The following NRXN3 variants were observed in gnomAD, a reference collection of about 807,000 sequenced individuals.
NRXN3 encodes neurexin III.
Under a neutral mutation model 137.6 loss-of-function variants are expected in NRXN3, and 32 were observed. That is an observed-to-expected ratio of 0.23 (90% confidence interval 0.18 to 0.31). The LOEUF is 0.31. Ranked by LOEUF, NRXN3 falls within the 10% of genes least tolerant of loss-of-function variation. The pLI, the probability that NRXN3 is intolerant of heterozygous loss-of-function variation, is 1.00. For missense variants in NRXN3, 1,574 were observed against 2,062.5 expected, an observed-to-expected ratio of 0.76 and a Z score of 4.59; for synonymous variants, 798 against 784.5, an observed-to-expected ratio of 1.02 and a Z score of -0.29.
intron 2 of NRXN3, among the ~76,000 whole-genome samples, chr14:78,264,130 C>T (rs8023153): frequency 0.077 from 11,777 of 152,108 alleles, 903 homozygotes; most frequent in East Asian, 0.27. Context: ...GAAACTTACC[C>T]GAGGTCATAC....
At chr14:79,718,252 G>A (rs1017236867) in intron 19 of NRXN3, among the ~76,000 whole-genome samples, 2 of 152,076 alleles carry the variant, frequency 1.3e-5, no homozygotes, top group East Asian at 3.9e-4. Flanking sequence ...CAGAGGGAAC[G>A]GTTAGTGTAA....
intron 15 of NRXN3, among the ~76,000 whole-genome samples, chr14:79,245,160 G>T (rs2074967499): frequency 6.6e-6 from 1 of 151,980 alleles, no homozygotes. Context: ...TAAATGAAAT[G>T]AAAAATGTCA....
chr14:78,739,668 C>T (rs1238520709), intron 8 of NRXN3, among the ~76,000 whole-genome samples: 5 of 152,058 alleles, frequency 3.3e-5, no homozygotes, highest in South Asian at 2.1e-4. Context: ...GATGGGGTTT[C>T]GCTATGTTGG....
chr14:79,457,633 G>A (rs1160694593), intron 15 of NRXN3, among the ~76,000 whole-genome samples: 1 of 152,058 alleles, frequency 6.6e-6, no homozygotes, highest in African/African-American at 2.4e-5. Context: ...CAGAAAAATC[G>A]TGTTGTATGA....
chr14:79,389,459 C>T (rs1005814952), intron 15 of NRXN3, among the ~76,000 whole-genome samples: 1 of 152,196 alleles, frequency 6.6e-6, no homozygotes, highest in Non-Finnish European at 1.5e-5. Flanking sequence ...TTAATGCTCC[C>T]ACCTCTCACC....
At chr14:79,034,613 G>A (rs1313342221) in intron 15 of NRXN3, among the ~76,000 whole-genome samples, 2 of 152,016 alleles carry the variant, frequency 1.3e-5, no homozygotes, top group East Asian at 3.9e-4. Context: ...GAAAAACAAG[G>A]TGTTATGATG....
At chr14:78,324,228 T>A (rs2079760532) in intron 4 of NRXN3, among the ~76,000 whole-genome samples, 2 of 152,010 alleles carry the variant, frequency 1.3e-5, no homozygotes, top group African/African-American at 4.8e-5. Flanking sequence ...GGTATGAGGA[T>A]CTGATGAGAG....
intron 8 of NRXN3, among the ~76,000 whole-genome samples, chr14:78,776,290 G>A (rs1235796260): frequency 1.3e-5 from 2 of 152,156 alleles, no homozygotes; most frequent in Non-Finnish European, 2.9e-5. Flanking sequence ...TCTGAGTAGT[G>A]TTGTGCAATT....
chr14:78,719,374 A>T (rs1434519227), intron 8 of NRXN3, among the ~76,000 whole-genome samples: 1 of 152,016 alleles, frequency 6.6e-6, no homozygotes, highest in Admixed American at 6.6e-5. Flanking sequence ...GCTCCTCTCC[A>T]TTCGGGGCCT....
At chr14:78,533,743 G>A (rs189663111) in intron 4 of NRXN3, among the ~76,000 whole-genome samples, 4 of 152,252 alleles carry the variant, frequency 2.6e-5, no homozygotes, top group Admixed American at 2.0e-4. Context: ...AGCCCTCCCC[G>A]CATTTCTGCA....
chr14:78,961,865 C>T (rs2099408787), intron 11 of NRXN3, among the ~76,000 whole-genome samples: 1 of 152,164 alleles, frequency 6.6e-6, no homozygotes, highest in Non-Finnish European at 1.5e-5. Context: ...ACTCTAAGAG[C>T]TGGTTTGTAG....
chr14:78,649,257 T>A (rs1353947348), intron 5 of NRXN3: 3 of 1,343,144 alleles, frequency 2.2e-6, no homozygotes, highest in Non-Finnish European at 3.0e-6. Flanking sequence ...TCTTCCCCCT[T>A]CTCCGCAAAG....
At chr14:78,450,128 T>C (rs914964195) in intron 4 of NRXN3, among the ~76,000 whole-genome samples, 1 of 152,186 alleles carries the variant, frequency 6.6e-6, no homozygotes, top group African/African-American at 2.4e-5. Flanking sequence ...ATCAATCTGC[T>C]AGCAATGACT....
intron 10 of NRXN3, among the ~76,000 whole-genome samples, chr14:78,933,344 A>T (rs1255524444): frequency 6.6e-6 from 1 of 152,240 alleles, no homozygotes; most frequent in Non-Finnish European, 1.5e-5. Context: ...CCAAGATAAC[A>T]TAGCAATTTG....
chr14:79,257,725 A>T (rs1428037106), intron 15 of NRXN3, among the ~76,000 whole-genome samples: 2 of 151,442 alleles, frequency 1.3e-5, no homozygotes, highest in Non-Finnish European at 2.9e-5. Context: ...CAGAGGGAAA[A>T]AAATGACCTA....
At chr14:79,732,862 A>C (rs150896503) in intron 19 of NRXN3, among the ~76,000 whole-genome samples, 1 of 152,266 alleles carries the variant, frequency 6.6e-6, no homozygotes, top group Non-Finnish European at 1.5e-5. Flanking sequence ...ATACTCTTAA[A>C]CACTATTTAT....
chr14:78,919,309 A>T (rs1431233973), intron 10 of NRXN3, among the ~76,000 whole-genome samples: 1 of 152,188 alleles, frequency 6.6e-6, no homozygotes, highest in Non-Finnish European at 1.5e-5. Flanking sequence ...TTTAGGATAC[A>T]GTTGTTGAAA....
chr14:78,665,194 G>A (rs905054666), intron 6 of NRXN3, among the ~76,000 whole-genome samples: 1 of 152,136 alleles, frequency 6.6e-6, no homozygotes, highest in Non-Finnish European at 1.5e-5. Context: ...AGAATAATGG[G>A]TGTATTAGTC....
intron 15 of NRXN3, among the ~76,000 whole-genome samples, chr14:79,014,028 G>T (rs970225499): frequency 2.0e-5 from 3 of 152,184 alleles, no homozygotes; most frequent in Non-Finnish European, 2.9e-5. Flanking sequence ...CAGAATCAAA[G>T]ATGGTTGGCA....
Sources: gnomAD v4.1 joint callset for allele counts (sites outside exome capture counted in the v4.1 genomes callset) on GRCh38, gnomAD v4.1.1 for gene constraint, MANE v1.5 for transcripts, NCBI Gene and HGNC (gene_info 2026-07-23, HGNC 2026-07-21) for gene names.